Variants in NTN4 observed in about 807,000 individuals in gnomAD.
The protein encoded by NTN4 is netrin-4.
A neutral mutation model predicts 73.6 loss-of-function variants in NTN4; 32 were observed. The ratio of observed to expected loss-of-function variants is 0.44; its 90% CI spans 0.33 to 0.58. The LOEUF is 0.58. Among genes scored for constraint, NTN4 ranks in the 20% least tolerant of loss-of-function variants. The pLI is 0.04. For synonymous variants in NTN4, 258 were observed against 287.5 expected (o/e 0.90, Z 1.04); for missense variants, 654 against 798.3 (o/e 0.82, Z 2.18).
rs534336363 is a variant in NTN4 at position 95,705,747 on chromosome 12, T to C, written c.1180+4694A>G. Among the ~76,000 whole-genome samples the C allele has an allele frequency of 5.3e-5, 8 of 152,288 alleles. No homozygotes were observed. The South Asian group carries it at 1.5e-3, about 28-fold the overall frequency. On this transcript the variant is annotated intron_variant, in intron 5 of 9. Coordinates refer to ENST00000343702, the MANE Select transcript of NTN4 (RefSeq NM_021229.4). ...TTCTGTGTATGAGTGTGTGTGTGTA[T>C]ACCACTAGTTGCCTATATATACATA...
At chr12:95,686,858 A>T (rs948753575) in intron 5 of NTN4, among the ~76,000 whole-genome samples, 1 of 152,210 alleles carries the variant, frequency 6.6e-6, no homozygotes. Flanking sequence ...TTTTTAAAAT[A>T]AATTTTTCAT....
At chr12:95,739,271 A>G (rs76435799) in intron 2 of NTN4, among the ~76,000 whole-genome samples, 297 of 152,314 alleles carry the variant, frequency 1.9e-3, no homozygotes, top group South Asian at 6.8e-3. Flanking sequence ...ATTTCACGTT[A>G]AACACCAGTA....
chr12:95,682,057 C>CTTTTTTTTGT (rs2078320614), intron 7 of NTN4, among the ~76,000 whole-genome samples: 1 of 64,546 alleles, frequency 1.5e-5, no homozygotes, highest in Non-Finnish European at 2.6e-5. Context: ...ATTCAGTAGG[C>CTTTTTTTTGT]TTTTTTTTTT....
At chr12:95,711,205 T>A (rs1268279733) in intron 4 of NTN4, among the ~76,000 whole-genome samples, 1 of 152,206 alleles carries the variant, frequency 6.6e-6, no homozygotes, top group Non-Finnish European at 1.5e-5. Context: ...TTTTTCATTA[T>A]AGGCTGTTAA....
chr12:95,659,322 G>T (rs997402345), intron 9 of NTN4, 100 bp from the exon 10 acceptor site: 12 of 867,640 alleles, frequency 1.4e-5, no homozygotes, highest in Middle Eastern at 2.3e-4. Flanking sequence ...TTGAGACAAG[G>T]TCTTGCTCTG....
At chr12:95,670,225 C>T in intron 7 of NTN4, 79 bp from the exon 8 acceptor site, 1 of 757,702 alleles carries the variant, frequency 1.3e-6, no homozygotes, top group East Asian at 2.7e-5. Context: ...CAAGTGTATC[C>T]AGATAACACA....
chr12:95,686,062 T>G (rs930409379), intron 5 of NTN4, among the ~76,000 whole-genome samples: 1 of 151,322 alleles, frequency 6.6e-6, no homozygotes, highest in African/African-American at 2.5e-5. Context: ...ATTTGTAATT[T>G]GTTATTTTTT....
At chr12:95,740,938 C>T (rs1270924519) in intron 2 of NTN4, among the ~76,000 whole-genome samples, 1 of 152,136 alleles carries the variant, frequency 6.6e-6, no homozygotes, top group Non-Finnish European at 1.5e-5. Flanking sequence ...GCAGGTGGGG[C>T]CCAGCAATCT....
chr12:95,681,648 A>G (rs2078316866), intron 7 of NTN4, among the ~76,000 whole-genome samples: 1 of 152,234 alleles, frequency 6.6e-6, no homozygotes, highest in Non-Finnish European at 1.5e-5. Context: ...TTCTACAAGA[A>G]GAGAATAGAG....
intron 2 of NTN4, among the ~76,000 whole-genome samples, chr12:95,738,897 T>C (rs61938134): frequency 0.032 from 4,921 of 152,260 alleles, 102 homozygotes; most frequent in Non-Finnish European, 0.048. Flanking sequence ...TGGTTCTCTA[T>C]AAACAGAGAT....
intron 2 of NTN4, among the ~76,000 whole-genome samples, chr12:95,740,332 A>G (rs1488780130): frequency 6.6e-6 from 1 of 152,214 alleles, no homozygotes; most frequent in African/African-American, 2.4e-5. Flanking sequence ...AAATGAAGTA[A>G]GAAAACACGT....
intron 7 of NTN4, among the ~76,000 whole-genome samples, chr12:95,674,940 A>G (rs2078261653): frequency 1.3e-5 from 2 of 152,220 alleles, no homozygotes; most frequent in Non-Finnish European, 2.9e-5. Context: ...AATAACATGC[A>G]TGATGGGCTT....
intron 5 of NTN4, among the ~76,000 whole-genome samples, chr12:95,698,825 C>G (rs908621146): frequency 2.6e-5 from 4 of 151,876 alleles, no homozygotes; most frequent in Admixed American, 2.0e-4. Flanking sequence ...ACACTGCACT[C>G]CAGCCTGTGC....
At chr12:95,660,545 C>CTAAT (rs1469620196) in intron 9 of NTN4, among the ~76,000 whole-genome samples, 1 of 151,530 alleles carries the variant, frequency 6.6e-6, no homozygotes, top group Non-Finnish European at 1.5e-5. Flanking sequence ...CAAATTTTAG[C>CTAAT]TAATATATCC....
In NTN4 at chr12:95,769,150, A is replaced by G. The variant is rs77868126; in HGVS notation, c.585+17789T>C. Among the ~76,000 whole-genome samples the G allele has an allele frequency of 1.1e-3, 160 of 152,256 alleles. 1 individual carries two copies. In the East Asian group the frequency reaches 0.018, roughly 17 times the overall value. ...GCAAACTTGAGAGTGGAAAACATAAAGGCATCTCTCAGTATGATTGTGTTG... is the reference window on the plus strand; with the variant it reads ...GCAAACTTGAGAGTGGAAAACATAAGGGCATCTCTCAGTATGATTGTGTTG... On this transcript the variant is annotated intron_variant, in intron 2 of 9. Transcript: ENST00000343702.
At chr12:95,688,094 A>G (rs1440492720) in intron 5 of NTN4, among the ~76,000 whole-genome samples, 3 of 152,178 alleles carry the variant, frequency 2.0e-5, no homozygotes, top group Non-Finnish European at 4.4e-5. Context: ...ATAAGAAGTT[A>G]TAAAGCAGAA....
chr12:95,704,843 C>T (rs2078511693), intron 5 of NTN4, among the ~76,000 whole-genome samples: 1 of 152,104 alleles, frequency 6.6e-6, no homozygotes, highest in Admixed American at 6.5e-5. Context: ...GGGAAGCCTA[C>T]CCAGGGATCG....
chr12:95,745,157 GGTTT>G (rs1462107736), intron 2 of NTN4, among the ~76,000 whole-genome samples: 1 of 151,808 alleles, frequency 6.6e-6, no homozygotes, highest in African/African-American at 2.4e-5. Flanking sequence ...TTGTGTTTAA[GGTTT>G]GTTGCACTTC....
intron 5 of NTN4, among the ~76,000 whole-genome samples, chr12:95,709,778 C>A (rs934819986): frequency 6.6e-6 from 1 of 152,170 alleles, no homozygotes; most frequent in East Asian, 1.9e-4. Context: ...AACGATCCGC[C>A]TGCCTTGGCC....
Sources: gnomAD v4.1 joint callset for allele counts (sites outside exome capture counted in the v4.1 genomes callset) on GRCh38, gnomAD v4.1.1 for gene constraint, MANE v1.5 for transcripts, NCBI Gene and HGNC (gene_info 2026-07-23, HGNC 2026-07-21) for gene names.